NXPE2: variants seen among roughly 807,000 people sequenced by gnomAD.
The protein encoded by NXPE2 is NXPE family member 2.
NXPE2 carries 34 observed loss-of-function variants against 34.4 expected under a neutral mutation model. That is an observed-to-expected ratio of 0.99 (90% CI 0.75 to 1.31). NXPE2 has a LOEUF of 1.31. Ranked by LOEUF, NXPE2 falls within the 40% of genes most tolerant of loss-of-function variation. NXPE2 has a pLI of 0.00. For synonymous variants in NXPE2, 235 were observed against 231.3 expected, an observed-to-expected ratio of 1.02 and a Z score of -0.15; for missense variants, 649 against 672.5, an observed-to-expected ratio of 0.97 and a Z score of 0.39.
At chr11:114,622,939 G>A in the NXPE2 span, among the ~76,000 whole-genome samples, 13 of 152,222 alleles carry the variant, frequency 8.5e-5, no homozygotes, top group African/African-American at 2.9e-4. Context: ...TGCCTCGTGG[G>A]TTACCACTGT....
the NXPE2 span, among the ~76,000 whole-genome samples, chr11:114,469,109 CTTTTTT>C: frequency 1.1e-5 from 1 of 88,864 alleles, no homozygotes; most frequent in Admixed American, 1.5e-4. Context: ...ACAGTGCTAG[CTTTTTT>C]TTTTTTTTTT....
chr11:114,698,110 C>G lies in NXPE2; in HGVS notation c.198C>G (p.His66Gln), dbSNP rs950500780. The G allele has an allele frequency of 6.2e-7, 1 of 1,612,236 alleles. No homozygotes were observed. The highest frequency in any genetic ancestry group is 1.3e-5 in the African/African-American group (1 of 74,912). The change falls in exon 3 of 6, where the codon CAC becomes CAG. Residue 66 changes from histidine (H) to glutamine (Q), a missense_variant. By Grantham distance (24) the His-to-Gln change is conservative. Coordinates refer to ENST00000389586, the MANE Select transcript of NXPE2 (RefSeq NM_182495.6). ...GGAACATCTTCAAAAAATATTCACA[C>G]TCTGAAACACCACTGTGTCCAGCAG... Reference protein sequence around the residue: ...NQGNIFKKYSHSETPLCPAVS... With the variant: ...NQGNIFKKYSQSETPLCPAVS...
chr11:114,582,321 TAAG>T, the NXPE2 span: 1 of 1,594,216 alleles, frequency 6.3e-7, no homozygotes, highest in Non-Finnish European at 8.5e-7. Flanking sequence ...TTTGCTAAGA[TAAG>T]AAACTTTCTT....
At chr11:114,702,346 C>G (rs200163211) in intron 3 of NXPE2, among the ~76,000 whole-genome samples, 1 of 59,568 alleles carries the variant, frequency 1.7e-5, no homozygotes, top group African/African-American at 3.8e-5. Flanking sequence ...TCAAATTTTT[C>G]TTTGGTAACC....
chr11:114,593,178 G>A, the NXPE2 span, among the ~76,000 whole-genome samples: 2 of 152,144 alleles, frequency 1.3e-5, no homozygotes, highest in East Asian at 1.9e-4. Context: ...AGACAAATGG[G>A]ATTATATAAA....
At chr11:114,738,420 T>C in the NXPE2 span, among the ~76,000 whole-genome samples, 2 of 152,276 alleles carry the variant, frequency 1.3e-5, no homozygotes, top group African/African-American at 4.8e-5. Context: ...CAAATTGCTC[T>C]CCACTCTCTT....
chr11:114,738,184 C>T, the NXPE2 span, among the ~76,000 whole-genome samples: 1 of 152,166 alleles, frequency 6.6e-6, no homozygotes, highest in Non-Finnish European at 1.5e-5. Context: ...GCAGACATGC[C>T]TAACTAGCTC....
At chr11:114,714,358 G>T in the NXPE2 span, among the ~76,000 whole-genome samples, 3 of 152,210 alleles carry the variant, frequency 2.0e-5, no homozygotes, top group African/African-American at 7.2e-5. Flanking sequence ...TGCCTTAGCA[G>T]AGAGGTGAGT....
chr11:114,571,570 T>A, the NXPE2 span: 1 of 1,122,934 alleles, frequency 8.9e-7, no homozygotes, highest in Non-Finnish European at 1.3e-6. Context: ...TATAATTAAA[T>A]AAGCTAATCA....
At chr11:114,808,048 A>G in the NXPE2 span, among the ~76,000 whole-genome samples, 1 of 152,226 alleles carries the variant, frequency 6.6e-6, no homozygotes, top group East Asian at 1.9e-4. Context: ...CTCACTCAAA[A>G]CTGCTCAACT....
At chr11:114,517,631 AC>A in the NXPE2 span, among the ~76,000 whole-genome samples, 1 of 152,220 alleles carries the variant, frequency 6.6e-6, no homozygotes, top group African/African-American at 2.4e-5. Context: ...AGTGCTAAGG[AC>A]TAAAGATGAA....
At chr11:114,519,753 G>T in the NXPE2 span, among the ~76,000 whole-genome samples, 1 of 152,042 alleles carries the variant, frequency 6.6e-6, no homozygotes, top group Non-Finnish European at 1.5e-5. Context: ...GACATTTAAA[G>T]AATTTTGTGT....
At chr11:114,695,773 A>C (rs1192541666) in intron 2 of NXPE2, among the ~76,000 whole-genome samples, 1 of 151,514 alleles carries the variant, frequency 6.6e-6, no homozygotes, top group East Asian at 2.0e-4. Context: ...CAGGCGGATC[A>C]CGAAGTCAGA....
At chr11:114,808,508 G>A in the NXPE2 span, among the ~76,000 whole-genome samples, 1 of 142,436 alleles carries the variant, frequency 7.0e-6, no homozygotes, top group Non-Finnish European at 1.5e-5. Flanking sequence ...ATGATAAAGG[G>A]GATATCACCA....
chr11:114,653,085 T>C, the NXPE2 span, among the ~76,000 whole-genome samples: 2 of 152,352 alleles, frequency 1.3e-5, no homozygotes, highest in East Asian at 1.9e-4. Flanking sequence ...ACTCATTGAA[T>C]GTATAAATTT....
the NXPE2 span, among the ~76,000 whole-genome samples, chr11:114,722,595 C>T: frequency 6.6e-6 from 1 of 152,070 alleles, no homozygotes; most frequent in African/African-American, 2.4e-5. Context: ...AAGTTAACTC[C>T]AAGCCAAGAC....
chr11:114,805,496 G>T, the NXPE2 span, among the ~76,000 whole-genome samples: 2 of 152,204 alleles, frequency 1.3e-5, no homozygotes, highest in African/African-American at 4.8e-5. Context: ...CCCTAATACT[G>T]AAGCTTTTCC....
chr11:114,687,715 A>G (rs1205514406), intron 2 of NXPE2, among the ~76,000 whole-genome samples: 1 of 152,046 alleles, frequency 6.6e-6, no homozygotes, highest in African/African-American at 2.4e-5. Context: ...TAAATGATAT[A>G]GATTCTTCTA....
chr11:114,600,065 C>T, the NXPE2 span, among the ~76,000 whole-genome samples: 1 of 152,142 alleles, frequency 6.6e-6, no homozygotes, highest in Non-Finnish European at 1.5e-5. Flanking sequence ...AGCATTAGAA[C>T]TCTTCAGTAA....
Sources: allele counts gnomAD v4.1 joint callset (sites outside exome capture counted in the v4.1 genomes callset), GRCh38; gene constraint gnomAD v4.1.1; transcripts MANE v1.5; gene names NCBI Gene and HGNC (gene_info 2026-07-23, HGNC 2026-07-21).